The following SMARCA4 variants were observed in gnomAD, a reference collection of about 807,000 sequenced individuals.
SMARCA4 encodes the protein SWI/SNF related BAF chromatin remodeling complex subunit ATPase 4.
In SMARCA4, 31 loss-of-function variants were observed where a neutral mutation model predicts 193.9. The ratio of observed to expected loss-of-function variants is 0.16; its 90% CI spans 0.12 to 0.22. The LOEUF (loss-of-function observed/expected upper bound fraction) is 0.22, where lower values mean the gene tolerates loss of function less well. Ranked by LOEUF, SMARCA4 falls within the 10% of genes least tolerant of loss-of-function variation. The probability of loss-of-function intolerance (pLI) is 1.00; values close to 1 mark genes in which losing one functional copy is unlikely to be tolerated. For synonymous variants in SMARCA4, 942 were observed against 933.1 expected (o/e 1.01, Z -0.17); for missense variants, 1,148 against 2,296.0 (o/e 0.50, Z 10.22).
chr19:11,023,455 G>A (rs2090017735), intron 19 of SMARCA4, 63 bp from the exon 20 acceptor site: 5 of 1,066,928 alleles, frequency 4.7e-6, no homozygotes, highest in South Asian at 2.6e-5. Context: ...GCACCTTCTA[G>A]TGAGACCTCT....
chr19:11,062,252 ATAAAT>A lies in SMARCA4; in HGVS notation c.*441_*445del. 2 of 275,160 alleles carry A rather than the reference ATAAAT, an allele frequency of 7.3e-6. No homozygotes were observed. Among genetic ancestry groups the A allele is most frequent in the Non-Finnish European group, 1.4e-5 (2 of 143,486 alleles). 17.0% of individuals were successfully genotyped at this position (275,160 alleles called of 1,614,324 possible). A position where few individuals can be genotyped will look rare whatever the true frequency, so the allele number is the denominator to read the frequency against. The stretch of plus-strand genomic sequence containing the variant: ...CAGTGTCACTGGATGTCAAACAGTA[ATAAAT>A]TAAACCAACAACAAAACGCACAGCC... On this transcript the variant is annotated 3_prime_UTR_variant, in exon 35 of 35. Transcript: ENST00000344626.
rs2146097489 is a variant in SMARCA4, at chr19:11,003,110, G to A, written c.1894G>A (p.Asp632Asn). ...GAGTGGGAAGATCCTCACAGGCACA[G>A]ATGCCCCCAAAGCCGGGCAGCTGGA... Reference protein sequence around the residue: ...VESGKILTGTDAPKAGQLEAW... With the variant: ...VESGKILTGTNAPKAGQLEAW... Residue 632 changes from aspartate (D) to asparagine (N), a missense_variant, in exon 12 of 35, where the codon GAT becomes AAT. This residue lies in a region of SMARCA4 where 115 missense variants were observed against 175.1 expected (regional missense o/e 0.66). Coordinates refer to ENST00000344626, the MANE Select transcript of SMARCA4 (RefSeq NM_003072.5). 6.2e-7 allele frequency: 1 copy of A among 1,614,170 alleles called. No homozygotes were observed. The highest frequency in any genetic ancestry group is 8.5e-7 in the Non-Finnish European group (1 of 1,180,040).
rs1555754096 is a variant in SMARCA4, at chr19:10,986,891, C to T, written c.761-14C>T. On this transcript the variant is annotated splice_polypyrimidine_tract_variant and intron_variant, in intron 4 of 34. Transcript: ENST00000344626. The surrounding 1 kb of genome is among the most constrained non-coding windows in gnomAD (Gnocchi z 6.7). Reference sequence around the variant, plus strand: ...GGACGCACTGTTTTCTCTTTTGTTTCTCCCTACATGTAGGTATGGGAGGGC... The same window carrying T: ...GGACGCACTGTTTTCTCTTTTGTTTTTCCCTACATGTAGGTATGGGAGGGC... The T allele has an allele frequency of 6.2e-7, 1 of 1,601,294 alleles. No homozygotes were observed. Among genetic ancestry groups the T allele is most frequent in the Admixed American group, 1.7e-5 (1 of 60,016 alleles).
At chr19:11,005,553 C>T (rs148256214) in intron 13 of SMARCA4, among the ~76,000 whole-genome samples, 67 of 152,308 alleles carry the variant, frequency 4.4e-4, no homozygotes, top group Middle Eastern at 6.8e-3. Flanking sequence ...TTTGGCGTCT[C>T]TTTGCATATG....
chr19:11,044,516 A>G (rs1041449069), intron 30 of SMARCA4, among the ~76,000 whole-genome samples: 2 of 152,160 alleles, frequency 1.3e-5, no homozygotes, highest in African/African-American at 4.8e-5. Context: ...AGGACTAATC[A>G]ATGTGGGGAA....
chr19:10,984,293 G>C lies in SMARCA4; in HGVS notation c.142G>C (p.Gly48Arg), dbSNP rs2085816935. 1 of 1,608,876 alleles carries C rather than the reference G, an allele frequency of 6.2e-7. No individual in the cohort carries two copies. Among genetic ancestry groups the C allele is most frequent in the South Asian group, 1.1e-5 (1 of 90,278 alleles). Residue 48 changes from glycine (G) to arginine (R), a missense_variant, in exon 2 of 35, where the codon GGG becomes CGG. Gly to Arg is a moderately radical substitution (Grantham distance 125). This residue lies in a region of SMARCA4 where 201 missense variants were observed against 248.3 expected (regional missense o/e 0.81). Coordinates refer to ENST00000344626, the MANE Select transcript of SMARCA4 (RefSeq NM_003072.5). This position sits in a 1 kb window ranked among gnomAD's most constrained non-coding sequence, Gnocchi z 4.3. ...SAHSMMGPSP[G>R]PPSAGHPIPT... ...CCACAGCATGATGGGGCCCAGCCCA[G>C]GGCCGCCCTCAGCAGGACACCCCAT...
chr19:10,968,807 TA>T (rs760636507), intron 1 of SMARCA4, among the ~76,000 whole-genome samples: 1 of 152,148 alleles, frequency 6.6e-6, no homozygotes, highest in Non-Finnish European at 1.5e-5. Flanking sequence ...AAAGTCCCAG[TA>T]AAGGGGCATA....
At chr19:11,008,195 G>A in intron 14 of SMARCA4, 172 bp downstream of exon 14, 1 of 659,038 alleles carries the variant, frequency 1.5e-6, no homozygotes, top group Non-Finnish European at 2.7e-6. Context: ...TATTTTATAG[G>A]GATTTAATAG....
intron 32 of SMARCA4, chr19:11,059,148 G>A: frequency 4.4e-6 from 2 of 455,376 alleles, no homozygotes; most frequent in South Asian, 2.5e-5. Context: ...TCCAACTTGG[G>A]ATATTTTAGC....
At chr19:11,026,401 T>G in intron 23 of SMARCA4, 55 bp downstream of exon 23, 2 of 1,428,652 alleles carry the variant, frequency 1.4e-6, no homozygotes, top group Non-Finnish European at 2.0e-6. Flanking sequence ...AGAGGTTTTC[T>G]GTCGTTTTGT....
chr19:10,981,707 G>A (rs941364848), intron 1 of SMARCA4, among the ~76,000 whole-genome samples: 1 of 152,168 alleles, frequency 6.6e-6, no homozygotes, highest in Non-Finnish European at 1.5e-5. Context: ...TGGGTGCAGT[G>A]TCTCACACCT....
chr19:10,985,165 T>C lies in SMARCA4; in HGVS notation c.223-108T>C. On this transcript the variant is annotated intron_variant, in intron 2 of 34. Coordinates refer to ENST00000344626, the MANE Select transcript of SMARCA4 (RefSeq NM_003072.5). The surrounding 1 kb of genome is among the most constrained non-coding windows in gnomAD (Gnocchi z 4.5). ...GGGACTGGGGAGATGCGCGTCATCTTCGGGTGGCTGTTCTCGGTGCCCTCG... is the reference window on the plus strand; with the variant it reads ...GGGACTGGGGAGATGCGCGTCATCTCCGGGTGGCTGTTCTCGGTGCCCTCG... 8.6e-7 allele frequency: 1 copy of C among 1,159,632 alleles called. No individual in the cohort carries two copies. The highest frequency in any genetic ancestry group is 1.3e-6 in the Non-Finnish European group (1 of 776,088). 71.8% of individuals were successfully genotyped at this position (1,159,632 alleles called of 1,614,324 possible).
intron 1 of SMARCA4, among the ~76,000 whole-genome samples, chr19:10,964,627 T>C (rs918307489): frequency 4.0e-5 from 6 of 150,280 alleles, no homozygotes; most frequent in Non-Finnish European, 8.9e-5. Context: ...CTCTTTTTTT[T>C]TTTTTCTTAT....
intron 30 of SMARCA4, among the ~76,000 whole-genome samples, chr19:11,044,600 CA>C (rs1326613512): frequency 6.6e-6 from 1 of 152,196 alleles, no homozygotes; most frequent in Non-Finnish European, 1.5e-5. Context: ...CTTGCACCAG[CA>C]CCCGCCCCAG....
At chr19:11,014,308 G>A (rs575430220) in intron 16 of SMARCA4, among the ~76,000 whole-genome samples, 3 of 152,326 alleles carry the variant, frequency 2.0e-5, no homozygotes, top group African/African-American at 4.8e-5. Context: ...TAGGCCTGAC[G>A]TCCTGACTGT....
rs1600644640 is a variant in SMARCA4 at position 11,059,855 on chromosome 19, G to C, written c.4738G>C (p.Glu1580Gln). ...AGGCGAGGAGAGTGAGGAGGAGGAAGAGGGCGAGGAGGAAGGCTCCGAATC... is the reference window on the plus strand; with the variant it reads ...AGGCGAGGAGAGTGAGGAGGAGGAACAGGGCGAGGAGGAAGGCTCCGAATC... ...SEGEESEEEE[E>Q]GEEEGSESES... Residue 1580 changes from glutamate to glutamine, a missense_variant, in exon 33 of 35, where the codon GAG becomes CAG. Glu to Gln is a conservative substitution (Grantham distance 29). Around this residue, in one of 17 missense-constraint regions of SMARCA4, gnomAD observed 105 missense variants for 133.7 expected, o/e 0.79. Coordinates refer to ENST00000344626, the MANE Select transcript of SMARCA4 (RefSeq NM_003072.5). 1.2e-6 allele frequency: 2 copies of C among 1,613,866 alleles called. No homozygotes were observed. The highest frequency in any genetic ancestry group is 1.3e-5 in the African/African-American group (1 of 74,956).
chr19:10,992,528 G>C (rs2086649899), intron 8 of SMARCA4, among the ~76,000 whole-genome samples: 1 of 151,524 alleles, frequency 6.6e-6, no homozygotes, highest in Admixed American at 6.6e-5. Context: ...GGGTTCAAGG[G>C]ATTCTCCTGC....
intron 11 of SMARCA4, among the ~76,000 whole-genome samples, chr19:11,002,799 C>CAAAAAAAAAAA (rs747143883): frequency 3.6e-5 from 3 of 83,664 alleles, no homozygotes; most frequent in Non-Finnish European, 2.4e-5. Flanking sequence ...GACTCCGTCT[C>CAAAAAAAAAAA]AAAAAAAAAA....
rs568390760 is a variant in SMARCA4, at chr19:10,986,544, C to CCCCGGCCCGGGT, written c.722_733dup (p.Gly241_Pro244dup). 6 of 1,540,094 alleles carry CCCCGGCCCGGGT rather than the reference C, an allele frequency of 3.9e-6. No homozygotes were observed. Among genetic ancestry groups the CCCCGGCCCGGGT allele is most frequent in the Admixed American group, 2.0e-5 (1 of 50,926 alleles). On this transcript the variant is annotated inframe_insertion, in exon 4 of 35. Transcript: ENST00000344626. This position sits in a 1 kb window ranked among gnomAD's most constrained non-coding sequence, Gnocchi z 6.7. ...GACCCGGCCCTGGCCCTGGCCCTGGCCCCGGCCCGGGTCCCGGCCCGGCAC... is the reference window on the plus strand; with the variant it reads ...GACCCGGCCCTGGCCCTGGCCCTGGCCCCGGCCCGGGTCCCGGCCCGGGTCCCGGCCCGGCAC...
Sources: allele counts gnomAD v4.1 joint callset (sites outside exome capture counted in the v4.1 genomes callset), GRCh38; gene constraint gnomAD v4.1.1; regional missense constraint gnomAD v4.1.1; non-coding constraint Gnocchi (gnomAD v3.1); transcripts MANE v1.5; gene names NCBI Gene and HGNC (gene_info 2026-07-23, HGNC 2026-07-21).